STRIP2: variants seen among roughly 807,000 people sequenced by gnomAD.
STRIP2 encodes striatin interacting protein 2.
STRIP2 carries 84 observed loss-of-function variants against 107.1 expected under a neutral mutation model. The observed-to-expected ratio is 0.78, with a 90% CI of 0.66 to 0.94. STRIP2 has a LOEUF of 0.94. Ranked by LOEUF, STRIP2 falls within the 40% of genes least tolerant of loss-of-function variation. The probability of loss-of-function intolerance (pLI) is 0.00; values close to 1 mark genes in which losing one functional copy is unlikely to be tolerated. For missense variants in STRIP2, 888 were observed against 1,034.2 expected (o/e 0.86, Z 1.94); for synonymous variants, 394 against 400.4 (o/e 0.98, Z 0.19).
chr7:129,444,990 G>T (rs956643465), intron 3 of STRIP2, among the ~76,000 whole-genome samples: 27 of 152,318 alleles, frequency 1.8e-4, no homozygotes, highest in African/African-American at 6.0e-4. Flanking sequence ...GTCGTAGCTG[G>T]TATTGATGAC....
intron 18 of STRIP2, among the ~76,000 whole-genome samples, chr7:129,471,083 A>G (rs574497915): frequency 2.0e-5 from 3 of 152,210 alleles, no homozygotes; most frequent in African/African-American, 7.2e-5. Context: ...TGCTACAGGG[A>G]GTTCACTTCT....
Position 129,462,989 on chromosome 7 carries a change from G to A in STRIP2, c.1500G>A (p.Thr500=), listed in dbSNP as rs376747444. The change falls in exon 14 of 21, where the codon ACG becomes ACA. Residue 500 remains threonine (T), a synonymous_variant. Coordinates refer to ENST00000249344, the MANE Select transcript of STRIP2 (RefSeq NM_020704.3). Reference sequence around the variant, plus strand: ...AGGGGGAAGAGGTGGTACCAGAGACGCCATGTGAAATCCTCTACCAGGGAA... The same window carrying A: ...AGGGGGAAGAGGTGGTACCAGAGACACCATGTGAAATCCTCTACCAGGGAA... ...MSLGEEVVPE[T]PCEILYQGML... is the part of the protein sequence containing the mutation. 8.7e-6 allele frequency: 14 copies of A among 1,613,930 alleles called. No individual in the cohort carries two copies. Among genetic ancestry groups the A allele is most frequent in the African/African-American group, 1.3e-5 (1 of 74,904 alleles).
At chr7:129,463,959 T>C in intron 14 of STRIP2, 85 bp from the exon 15 acceptor site, 2 of 1,040,058 alleles carry the variant, frequency 1.9e-6, no homozygotes, top group Non-Finnish European at 1.5e-6. Flanking sequence ...AAAACACTTT[T>C]TATAGGGCGG....
At chr7:129,437,058 A>G (rs1032245619) in intron 1 of STRIP2, among the ~76,000 whole-genome samples, 4 of 152,242 alleles carry the variant, frequency 2.6e-5, no homozygotes, top group African/African-American at 9.6e-5. Flanking sequence ...AGTTCAATAT[A>G]TTAAATTTAA....
At chr7:129,439,266 G>C (rs1042613278) in intron 1 of STRIP2, among the ~76,000 whole-genome samples, 1 of 152,052 alleles carries the variant, frequency 6.6e-6, no homozygotes, top group African/African-American at 2.4e-5. Context: ...CAGGAACCAG[G>C]GGCAAAGAAC....
chr7:129,471,713 C>A (rs975106936), intron 18 of STRIP2, among the ~76,000 whole-genome samples: 2 of 152,074 alleles, frequency 1.3e-5, no homozygotes, highest in African/African-American at 4.8e-5. Flanking sequence ...AGATGAGAAA[C>A]CTGAAGGCCC....
At chr7:129,474,688 T>C (rs1562915158) in intron 18 of STRIP2, among the ~76,000 whole-genome samples, 1 of 152,110 alleles carries the variant, frequency 6.6e-6, no homozygotes, top group Admixed American at 6.5e-5. Context: ...TTTTTGTACT[T>C]TTTAGTGGAA....
intron 18 of STRIP2, chr7:129,478,050 T>C: frequency 2.6e-6 from 1 of 383,942 alleles, no homozygotes; most frequent in Non-Finnish European, 5.2e-6. Flanking sequence ...AATATTGGAA[T>C]GGTGGTGATA....
intron 17 of STRIP2, among the ~76,000 whole-genome samples, chr7:129,470,315 A>C (rs759686662): frequency 2.0e-5 from 3 of 152,246 alleles, no homozygotes; most frequent in Non-Finnish European, 4.4e-5. Context: ...ATATTCACAC[A>C]TACAGTTAAA....
At chr7:129,463,069 C>A in intron 14 of STRIP2, 29 bp downstream of exon 14, 3 of 1,576,350 alleles carry the variant, frequency 1.9e-6, no homozygotes, top group Non-Finnish European at 2.6e-6. Flanking sequence ...CAGAGCTGCC[C>A]TTCTCTGCTG....
At chr7:129,480,660 A>G in intron 18 of STRIP2, 125 bp from the exon 19 acceptor site, 1 of 703,184 alleles carries the variant, frequency 1.4e-6, no homozygotes, top group Admixed American at 2.7e-5. Flanking sequence ...AAGAAACAGG[A>G]AGGTGAGGAG....
chr7:129,486,288 T>C lies in STRIP2; in HGVS notation c.*459T>C. 6.3e-6 allele frequency: 1 copy of C among 159,472 alleles called. No homozygotes were observed. The highest frequency in any genetic ancestry group is 1.4e-5 in the Non-Finnish European group (1 of 71,536). The allele number at this position is 159,472 out of a possible 1,614,324, so 9.9% of individuals were successfully genotyped here. A position where few individuals can be genotyped will look rare whatever the true frequency, so the allele number is the denominator to read the frequency against. The stretch of plus-strand genomic sequence containing the variant: ...CCAACTTTGAAATTAAGTTTGCATT[T>C]TAAATTTCAAATTTGGAAGCCTCTT... On this transcript the variant is annotated 3_prime_UTR_variant, in exon 21 of 21. Coordinates refer to ENST00000249344, the MANE Select transcript of STRIP2 (RefSeq NM_020704.3).
intron 3 of STRIP2, 123 bp downstream of exon 3, chr7:129,444,221 T>G: frequency 1.5e-6 from 1 of 658,890 alleles, no homozygotes; most frequent in South Asian, 1.9e-5. Flanking sequence ...AGGGTTCTCT[T>G]AGAGGGATAG....
chr7:129,465,594 C>T (rs556233754), intron 16 of STRIP2, among the ~76,000 whole-genome samples: 2 of 152,212 alleles, frequency 1.3e-5, no homozygotes, highest in African/African-American at 2.4e-5. Context: ...TTTGTCTAGG[C>T]CCTCATTTAA....
At position 129,458,348 on chromosome 7, in the gene STRIP2, T is replaced by G; in HGVS notation, c.1172T>G (p.Leu391Arg). 6.2e-7 allele frequency: 1 copy of G among 1,614,156 alleles called. No individual in the cohort carries two copies. Among genetic ancestry groups the G allele is most frequent in the Non-Finnish European group, 8.5e-7 (1 of 1,180,018 alleles). Residue 391 changes from leucine to arginine, a missense_variant, in exon 10 of 21, where the codon CTG (leucine) becomes CGG (arginine). By Grantham distance (102) the Leu-to-Arg change is moderately radical. Coordinates refer to ENST00000249344, the MANE Select transcript of STRIP2 (RefSeq NM_020704.3). The surrounding 1 kb of genome is among the most constrained non-coding windows in gnomAD (Gnocchi z 4.6). ...CGAACCTTGGATGGAGAGCTAGACCTGCTAGAGCAGGACCCTCTGGTGCCA... is the reference window on the plus strand; with the variant it reads ...CGAACCTTGGATGGAGAGCTAGACCGGCTAGAGCAGGACCCTCTGGTGCCA... Reference protein sequence around the residue: ...GERTLDGELDLLEQDPLVPPP... With the variant: ...GERTLDGELDRLEQDPLVPPP...
rs199532554 is a variant in STRIP2, at chr7:129,460,386, G to C, written c.1476+14G>C. 3.7e-6 allele frequency: 6 copies of C among 1,611,198 alleles called. No individual in the cohort carries two copies. The African/African-American group carries it at 8.0e-5, about 21-fold the overall frequency. On this transcript the variant is annotated intron_variant, in intron 13 of 20. Transcript: ENST00000249344. ...CCTATGTCTTTGGTGAGCCAAGGAA[G>C]CCCTACACAGGAGGAGAGTAGAAGA...
intron 1 of STRIP2, among the ~76,000 whole-genome samples, chr7:129,436,521 G>A (rs753048147): frequency 6.6e-6 from 1 of 152,172 alleles, no homozygotes; most frequent in African/African-American, 2.4e-5. Context: ...CAACTGCTGC[G>A]ATCATCTCTA....
At chr7:129,462,925 C>T in intron 13 of STRIP2, 41 bp from the exon 14 acceptor site, 1 of 1,578,344 alleles carries the variant, frequency 6.3e-7, no homozygotes, top group Non-Finnish European at 8.7e-7. Flanking sequence ...CTTTGGTCAC[C>T]TGGAAAGTGG....
chr7:129,485,817 C>T lies in STRIP2; in HGVS notation c.2493C>T (p.Leu831=). 1 of 1,613,878 alleles carries T rather than the reference C, an allele frequency of 6.2e-7. No homozygotes were observed. Among genetic ancestry groups the T allele is most frequent in the Non-Finnish European group, 8.5e-7 (1 of 1,180,014 alleles). ...AGCCCATCTGTTGGGAGGAGCTGCT[C>T]CAGAATCACTGACTAAGTTCTTGTC... ...FSQPICWEEL[L]QNH is the part of the protein sequence containing the mutation. The change falls in exon 21 of 21, where the codon CTC becomes CTT. Residue 831 remains leucine, a synonymous_variant. Transcript: ENST00000249344.
Sources: allele counts gnomAD v4.1 joint callset (sites outside exome capture counted in the v4.1 genomes callset), GRCh38; gene constraint gnomAD v4.1.1; non-coding constraint Gnocchi (gnomAD v3.1); transcripts MANE v1.5; gene names NCBI Gene and HGNC (gene_info 2026-07-23, HGNC 2026-07-21).